The following LRRC7 variants were observed in gnomAD, a reference collection of about 807,000 sequenced individuals.
The protein encoded by LRRC7 is leucine rich repeat containing 7.
In LRRC7, 23 loss-of-function variants were observed where a neutral mutation model predicts 175.7. That is an observed-to-expected ratio of 0.13 (90% CI 0.09 to 0.19). The LOEUF (loss-of-function observed/expected upper bound fraction) is 0.19, where lower values mean the gene tolerates loss of function less well. Among genes scored for constraint, LRRC7 ranks in the 10% least tolerant of loss-of-function variants. The pLI is 1.00. For synonymous variants in LRRC7, 685 were observed against 680.9 expected (o/e 1.01, Z -0.09); for missense variants, 1,354 against 1,904.7 (o/e 0.71, Z 5.38).
In LRRC7 at chr1:69,668,001, C is replaced by T. The variant is rs918100242; in HGVS notation, c.3-10380C>T. Among the ~76,000 whole-genome samples the T allele has an allele frequency of 5.3e-5, 8 of 151,788 alleles. 1 individual carries two copies. ...TATGTTTTTTTTTATTTGAGGTCAC[C>T]ATGAGGCCTGCAAATACTATCTTAT... On this transcript the variant is annotated intron_variant, in intron 1 of 26. Transcript: ENST00000651989.
intron 2 of LRRC7, among the ~76,000 whole-genome samples, chr1:69,709,090 C>A (rs2100726123): frequency 6.6e-6 from 1 of 152,276 alleles, no homozygotes; most frequent in African/African-American, 2.4e-5. Context: ...TTTTCTGTAA[C>A]TATTTGATTA....
At chr1:69,996,231 C>T (rs1026531595) in intron 11 of LRRC7, among the ~76,000 whole-genome samples, 1 of 151,958 alleles carries the variant, frequency 6.6e-6, no homozygotes, top group African/African-American at 2.4e-5. Flanking sequence ...ATGTCCTTCG[C>T]CCACTTTTTG....
rs550083030 is a variant in LRRC7 at position 69,826,104 on chromosome 1, G to T, written c.500+278G>T. 3.0e-4 allele frequency among the ~76,000 whole-genome samples: 46 copies of T among 152,212 alleles called. No individual in the cohort carries two copies. The South Asian group carries it at 9.1e-3, about 30-fold the overall frequency. ...CTCAGGTAACACTCCATAGATAAGA[G>T]TTGAAACTAATAAAACAGTTATTAG... On this transcript the variant is annotated intron_variant, in intron 5 of 26. Coordinates refer to ENST00000651989, the MANE Select transcript of LRRC7 (RefSeq NM_001370785.2).
intron 15 of LRRC7, among the ~76,000 whole-genome samples, chr1:70,020,294 G>A (rs1464927650): frequency 6.6e-6 from 1 of 151,832 alleles, no homozygotes; most frequent in Non-Finnish European, 1.5e-5. Flanking sequence ...ATGTTGCAAA[G>A]AAGATATTAT....
intron 2 of LRRC7, among the ~76,000 whole-genome samples, chr1:69,698,059 A>G (rs1471268822): frequency 2.6e-5 from 4 of 152,198 alleles, no homozygotes; most frequent in Non-Finnish European, 5.9e-5. Context: ...ATGGGGCAAG[A>G]GTTCAGGAAG....
intron 4 of LRRC7, among the ~76,000 whole-genome samples, chr1:69,802,814 C>T (rs1676673891): frequency 6.6e-6 from 1 of 151,240 alleles, no homozygotes; most frequent in African/African-American, 2.4e-5. Flanking sequence ...AAACATATTA[C>T]TCTTTATTGC....
At chr1:70,072,760 G>A (rs1220547075) in intron 23 of LRRC7, among the ~76,000 whole-genome samples, 3 of 152,172 alleles carry the variant, frequency 2.0e-5, no homozygotes, top group South Asian at 2.1e-4. Context: ...TGTAAAGGTC[G>A]AAGTCACATG....
intron 2 of LRRC7, among the ~76,000 whole-genome samples, chr1:69,757,619 G>A (rs1670573943): frequency 6.6e-6 from 1 of 151,932 alleles, no homozygotes; most frequent in South Asian, 2.1e-4. Flanking sequence ...AGTTTTGGTA[G>A]ACAGTGGACA....
intron 2 of LRRC7, among the ~76,000 whole-genome samples, chr1:69,747,908 A>C: frequency 6.6e-6 from 1 of 152,164 alleles, no homozygotes; most frequent in African/African-American, 2.4e-5. Flanking sequence ...AAATCTGTGA[A>C]TGCATTCACA....
At chr1:69,816,306 T>A (rs1386704624) in intron 4 of LRRC7, among the ~76,000 whole-genome samples, 1 of 152,168 alleles carries the variant, frequency 6.6e-6, no homozygotes, top group African/African-American at 2.4e-5. Flanking sequence ...AGGGCACTTA[T>A]CCTATTCATG....
At chr1:70,082,479 A>G (rs934876505) in intron 24 of LRRC7, among the ~76,000 whole-genome samples, 1 of 152,186 alleles carries the variant, frequency 6.6e-6, no homozygotes, top group Non-Finnish European at 1.5e-5. Context: ...GTGTGACTCA[A>G]CATCAGAAAT....
intron 7 of LRRC7, among the ~76,000 whole-genome samples, chr1:69,899,840 TACA>T (rs1646085662): frequency 1.3e-5 from 2 of 152,142 alleles, no homozygotes; most frequent in Non-Finnish European, 2.9e-5. Context: ...TCTTGGAGTG[TACA>T]ACAAGAAGTC....
At chr1:69,969,360 A>G (rs1003102280) in intron 8 of LRRC7, among the ~76,000 whole-genome samples, 6 of 152,202 alleles carry the variant, frequency 3.9e-5, no homozygotes, top group African/African-American at 1.4e-4. Flanking sequence ...GAATTCACCA[A>G]CCAACTATGT....
chr1:69,926,983 G>C (rs1302291259), intron 7 of LRRC7, among the ~76,000 whole-genome samples: 2 of 152,158 alleles, frequency 1.3e-5, no homozygotes, highest in Non-Finnish European at 2.9e-5. Context: ...TCCTTCAGGA[G>C]GTCTTTTAGG....
intron 26 of LRRC7, among the ~76,000 whole-genome samples, chr1:70,110,425 G>A (rs1665448608): frequency 6.6e-6 from 1 of 152,042 alleles, no homozygotes; most frequent in Admixed American, 6.6e-5. Flanking sequence ...CTACTTGCAA[G>A]GTATTAGAAT....
chr1:69,832,546 C>A (rs1413850478), intron 5 of LRRC7, among the ~76,000 whole-genome samples: 1 of 151,704 alleles, frequency 6.6e-6, no homozygotes, highest in South Asian at 2.1e-4. Flanking sequence ...AACTAATCAG[C>A]GAAATGATGA....
At chr1:70,044,960 T>C (rs1660213156) in intron 22 of LRRC7, among the ~76,000 whole-genome samples, 1 of 152,084 alleles carries the variant, frequency 6.6e-6, no homozygotes, top group Admixed American at 6.6e-5. Flanking sequence ...TGACAGTAAC[T>C]TCTAAACACT....
chr1:69,849,404 C>CA (rs1682730264), intron 7 of LRRC7, among the ~76,000 whole-genome samples: 1 of 151,756 alleles, frequency 6.6e-6, no homozygotes, highest in African/African-American at 2.4e-5. Context: ...CTAAAAAAAG[C>CA]AAAAACTTCA....
rs1666401647 is a variant in LRRC7, at chr1:70,125,467, A to T, written c.*3580A>T. Among the ~76,000 whole-genome samples, 1 of 152,194 alleles carries T rather than the reference A, an allele frequency of 6.6e-6. No individual in the cohort carries two copies. The highest frequency in any genetic ancestry group is 2.4e-5 in the African/African-American group (1 of 41,456). ...ATCACTAATGTAATTACTTATTTAAAAATAGGACTGACATATCTTTCAACT... is the reference window on the plus strand; with the variant it reads ...ATCACTAATGTAATTACTTATTTAATAATAGGACTGACATATCTTTCAACT... On this transcript the variant is annotated 3_prime_UTR_variant, in exon 27 of 27. Coordinates refer to ENST00000651989, the MANE Select transcript of LRRC7 (RefSeq NM_001370785.2).
Sources: allele counts gnomAD v4.1 joint callset (sites outside exome capture counted in the v4.1 genomes callset), GRCh38; gene constraint gnomAD v4.1.1; transcripts MANE v1.5; gene names NCBI Gene and HGNC (gene_info 2026-07-23, HGNC 2026-07-21).